The following MAGI1 variants were observed in gnomAD, a reference collection of about 807,000 sequenced individuals.
The protein encoded by MAGI1 is membrane-associated guanylate kinase, WW and PDZ domain-containing protein 1.
A neutral mutation model predicts 139.9 loss-of-function variants in MAGI1; 58 were observed. That is an observed-to-expected ratio of 0.41 (90% CI 0.34 to 0.52). The LOEUF (loss-of-function observed/expected upper bound fraction) is 0.52, where lower values mean the gene tolerates loss of function less well. Ranked by LOEUF, MAGI1 falls within the 20% of genes least tolerant of loss-of-function variation. MAGI1 has a pLI of 0.12. For missense variants in MAGI1, 1,874 were observed against 1,901.6 expected, an observed-to-expected ratio of 0.99 and a Z score of 0.27; for synonymous variants, 812 against 737.9, an observed-to-expected ratio of 1.10 and a Z score of -1.63.
chr3:65,689,800 T>C (rs1450553234), intron 1 of MAGI1, among the ~76,000 whole-genome samples: 1 of 152,202 alleles, frequency 6.6e-6, no homozygotes, highest in Non-Finnish European at 1.5e-5. Context: ...CTTAACTAAC[T>C]AGAAGGTCAA....
chr3:65,963,591 A>G (rs1966601), intron 1 of MAGI1, among the ~76,000 whole-genome samples: 77,773 of 151,996 alleles, frequency 0.51, 20,556 homozygotes, highest in South Asian at 0.66. Flanking sequence ...ACTCCAGCCT[A>G]GGTGACAAAG....
At chr3:65,985,463 T>A (rs935818580) in intron 1 of MAGI1, among the ~76,000 whole-genome samples, 1 of 152,154 alleles carries the variant, frequency 6.6e-6, no homozygotes, top group South Asian at 2.1e-4. Flanking sequence ...CACCAAGCAA[T>A]TGAGAAAAGC....
chr3:65,431,053 C>T (rs1453165220), intron 10 of MAGI1, among the ~76,000 whole-genome samples, 172 bp from the exon 11 acceptor site: 1 of 152,092 alleles, frequency 6.6e-6, no homozygotes, highest in East Asian at 1.9e-4. Flanking sequence ...TGTTCCTAGG[C>T]CCCAGTGTTG....
chr3:65,447,079 A>G (rs544286741), intron 7 of MAGI1, among the ~76,000 whole-genome samples: 2 of 152,346 alleles, frequency 1.3e-5, no homozygotes, highest in African/African-American at 4.8e-5. Context: ...GGCAGATTCA[A>G]TAATCTTAGT....
intron 2 of MAGI1, among the ~76,000 whole-genome samples, chr3:65,617,330 T>C (rs1158795273): frequency 6.6e-6 from 1 of 152,188 alleles, no homozygotes; most frequent in African/African-American, 2.4e-5. Flanking sequence ...GGGAGGGGCA[T>C]TGTACAGCAT....
At chr3:65,875,453 T>C (rs1455690128) in intron 1 of MAGI1, among the ~76,000 whole-genome samples, 2 of 152,174 alleles carry the variant, frequency 1.3e-5, no homozygotes, top group Admixed American at 6.5e-5. Flanking sequence ...GGAGAATAAA[T>C]GACTACGAAA....
chr3:65,686,034 A>C (rs2087995603), intron 1 of MAGI1, among the ~76,000 whole-genome samples: 1 of 150,632 alleles, frequency 6.6e-6, no homozygotes. Flanking sequence ...CTAGGGAAAC[A>C]AAGTGAACAG....
chr3:65,453,438 T>G, intron 5 of MAGI1, 98 bp from the exon 6 acceptor site: 2 of 849,572 alleles, frequency 2.4e-6, no homozygotes, highest in South Asian at 3.1e-5. Context: ...TATTTCTTCC[T>G]TAACTACAAC....
intron 1 of MAGI1, among the ~76,000 whole-genome samples, chr3:65,642,206 T>C (rs2085017315): frequency 6.6e-6 from 1 of 152,194 alleles, no homozygotes; most frequent in Non-Finnish European, 1.5e-5. Context: ...TGATGGATTC[T>C]ACACTCCAGC....
rs114422415 is a variant in MAGI1 at position 65,357,848 on chromosome 3, C to T, written c.3635-716G>A. Among the ~76,000 whole-genome samples, 20 of 152,188 alleles carry T rather than the reference C, an allele frequency of 1.3e-4. 2 individuals are homozygous for T. The South Asian group carries it at 3.1e-3, about 24-fold the overall frequency. On this transcript the variant is annotated intron_variant, in intron 22 of 22. Transcript: ENST00000402939. The stretch of plus-strand genomic sequence containing the variant: ...TGACGACTGGCAAATGGGATATGTA[C>T]GCAAGGGCCCATTAAACTGTCCTAT...
intron 2 of MAGI1, among the ~76,000 whole-genome samples, chr3:65,589,075 G>A (rs954654234): frequency 6.6e-6 from 1 of 152,136 alleles, no homozygotes; most frequent in Admixed American, 6.5e-5. Context: ...GCAGGGATAG[G>A]TCAGAGTAAA....
chr3:65,369,458 C>A (rs1444172534), intron 18 of MAGI1, among the ~76,000 whole-genome samples: 1 of 151,444 alleles, frequency 6.6e-6, no homozygotes, highest in Non-Finnish European at 1.5e-5. Context: ...GGCAGAGCAT[C>A]TTTTCAAAGG....
In MAGI1 at chr3:65,354,275, A is replaced by T. The variant is rs1270371895; in HGVS notation, c.*2103T>A. 6.6e-6 allele frequency: 1 copy of T among 152,656 alleles called. No homozygotes were observed. Among genetic ancestry groups the T allele is most frequent in the African/African-American group, 2.4e-5 (1 of 41,464 alleles). 9.5% of individuals were successfully genotyped at this position (152,656 alleles called of 1,614,324 possible). A position where few individuals can be genotyped will look rare whatever the true frequency, so the allele number is the denominator to read the frequency against. ...TGTATGGAAAACTTTAATAATAAAA[A>T]TAGCATTCACAGACTTTTCCCTCCT... On this transcript the variant is annotated 3_prime_UTR_variant, in exon 23 of 23. Transcript: ENST00000402939.
chr3:65,490,826 A>G, intron 3 of MAGI1, among the ~76,000 whole-genome samples: 1 of 128,632 alleles, frequency 7.8e-6, no homozygotes, highest in South Asian at 2.8e-4. Context: ...CCTGGGCGAC[A>G]GAGCGAGACT....
At chr3:65,922,314 A>G (rs1199182076) in intron 1 of MAGI1, among the ~76,000 whole-genome samples, 2 of 152,218 alleles carry the variant, frequency 1.3e-5, no homozygotes, top group African/African-American at 4.8e-5. Context: ...ATGTGACCCT[A>G]TTTAGAAATA....
At chr3:65,718,191 T>A (rs74728642) in intron 1 of MAGI1, among the ~76,000 whole-genome samples, 3,399 of 152,062 alleles carry the variant, frequency 0.022, 121 homozygotes, top group African/African-American at 0.077. Context: ...ATCATACTGG[T>A]CAACACAAAC....
intron 1 of MAGI1, among the ~76,000 whole-genome samples, chr3:65,686,875 A>T (rs949177734): frequency 2.6e-5 from 4 of 152,238 alleles, no homozygotes; most frequent in African/African-American, 9.6e-5. Context: ...TTGTAACTTT[A>T]CTAAGAGTTA....
chr3:65,702,062 T>C (rs1460312533), intron 1 of MAGI1, among the ~76,000 whole-genome samples: 1 of 152,150 alleles, frequency 6.6e-6, no homozygotes, highest in African/African-American at 2.4e-5. Context: ...GGCTCAGCAC[T>C]CTAGATGGAA....
At chr3:65,744,178 A>G (rs1442722213) in intron 1 of MAGI1, among the ~76,000 whole-genome samples, 1 of 152,230 alleles carries the variant, frequency 6.6e-6, no homozygotes, top group Non-Finnish European at 1.5e-5. Context: ...CAGTTTGTTC[A>G]TGGCCAGGTT....
Sources: gnomAD v4.1 joint callset for allele counts (sites outside exome capture counted in the v4.1 genomes callset) on GRCh38, gnomAD v4.1.1 for gene constraint, MANE v1.5 for transcripts, NCBI Gene and HGNC (gene_info 2026-07-23, HGNC 2026-07-21) for gene names.